The following LRMDA variants were observed in gnomAD, a reference collection of about 807,000 sequenced individuals.
LRMDA encodes leucine-rich melanocyte differentiation-associated protein.
Under a neutral mutation model 29.8 loss-of-function variants are expected in LRMDA, and 18 were observed. The ratio of observed to expected loss-of-function variants is 0.60; its 90% CI spans 0.42 to 0.90. The LOEUF is 0.90. Among genes scored for constraint, LRMDA ranks in the 40% least tolerant of loss-of-function variants. The pLI is 0.00. For synonymous variants in LRMDA, 125 were observed against 109.4 expected, an observed-to-expected ratio of 1.14 and a Z score of -0.89; for missense variants, 273 against 273.9, an observed-to-expected ratio of 1.00 and a Z score of 0.02.
chr10:76,302,366 G>C (rs1050750341), intron 5 of LRMDA, among the ~76,000 whole-genome samples: 1 of 152,174 alleles, frequency 6.6e-6, no homozygotes, highest in Admixed American at 6.5e-5. Context: ...TCTTCCCTGG[G>C]GGGTGGTAAG....
At chr10:75,850,042 A>G (rs763821817) in intron 2 of LRMDA, among the ~76,000 whole-genome samples, 1 of 152,230 alleles carries the variant, frequency 6.6e-6, no homozygotes. Context: ...ATTTTAGATC[A>G]TTATGATGAT....
intron 4 of LRMDA, among the ~76,000 whole-genome samples, chr10:76,052,742 G>A (rs1427114849): frequency 2.0e-5 from 3 of 152,046 alleles, no homozygotes; most frequent in Non-Finnish European, 2.9e-5. Context: ...AGACAAATGG[G>A]TCTTTAAGCA....
chr10:76,298,024 TACGTA>T (rs777014157), intron 5 of LRMDA, among the ~76,000 whole-genome samples: 4 of 152,242 alleles, frequency 2.6e-5, no homozygotes, highest in Non-Finnish European at 5.9e-5. Flanking sequence ...CTGCCTGTTG[TACGTA>T]ACCTCTCCTT....
intron 5 of LRMDA, among the ~76,000 whole-genome samples, chr10:76,240,883 CACAT>C (rs1469061665): frequency 2.0e-5 from 3 of 147,786 alleles, no homozygotes; most frequent in East Asian, 4.0e-4. Flanking sequence ...CGCACACACA[CACAT>C]ACACACATAC....
At chr10:76,495,495 T>C (rs1842872943) in intron 6 of LRMDA, among the ~76,000 whole-genome samples, 1 of 151,878 alleles carries the variant, frequency 6.6e-6, no homozygotes, top group African/African-American at 2.4e-5. Context: ...AATTCAAGAA[T>C]ATGTTTCTTT....
chr10:75,879,159 A>C (rs113897529), intron 2 of LRMDA, among the ~76,000 whole-genome samples: 87 of 152,274 alleles, frequency 5.7e-4, no homozygotes, highest in African/African-American at 2.0e-3. Flanking sequence ...CAGTCTTATA[A>C]CTTGAGTGAT....
At chr10:75,723,114 C>T (rs1842588470) in intron 2 of LRMDA, among the ~76,000 whole-genome samples, 1 of 152,210 alleles carries the variant, frequency 6.6e-6, no homozygotes, top group South Asian at 2.1e-4. Context: ...TATGGTGTTA[C>T]TTGTTCTACA....
intron 6 of LRMDA, among the ~76,000 whole-genome samples, chr10:76,413,513 A>G (rs1841984607): frequency 6.6e-6 from 1 of 152,138 alleles, no homozygotes; most frequent in Non-Finnish European, 1.5e-5. Context: ...ACTCACTACC[A>G]TGAGAACAGT....
chr10:76,510,205 A>C (rs1842996305), intron 6 of LRMDA, among the ~76,000 whole-genome samples: 1 of 151,862 alleles, frequency 6.6e-6, no homozygotes, highest in African/African-American at 2.4e-5. Context: ...TGAGTAGCTG[A>C]GACTACAAGC....
At chr10:75,813,799 A>C (rs2132273958) in intron 2 of LRMDA, among the ~76,000 whole-genome samples, 1 of 152,258 alleles carries the variant, frequency 6.6e-6, no homozygotes, top group South Asian at 2.1e-4. Context: ...AATTCTTGCT[A>C]CCTTTCACTG....
chr10:76,368,348 C>T (rs998414580), intron 6 of LRMDA, among the ~76,000 whole-genome samples: 4 of 152,066 alleles, frequency 2.6e-5, no homozygotes, highest in East Asian at 1.9e-4. Context: ...ATTTTGATTT[C>T]GTTTTTGACC....
intron 2 of LRMDA, among the ~76,000 whole-genome samples, chr10:76,032,663 G>A (rs1001843494): frequency 8.5e-5 from 13 of 152,270 alleles, no homozygotes; most frequent in Middle Eastern, 3.4e-3. Flanking sequence ...TCCTGGCTGC[G>A]TTGCTGCTGG....
At chr10:76,175,468 T>C (rs559454015) in intron 5 of LRMDA, among the ~76,000 whole-genome samples, 1 of 152,228 alleles carries the variant, frequency 6.6e-6, no homozygotes, top group Non-Finnish European at 1.5e-5. Context: ...TTAACTATTA[T>C]TTTAATGCTA....
chr10:75,982,083 C>T (rs189403220), intron 2 of LRMDA, among the ~76,000 whole-genome samples: 409 of 152,232 alleles, frequency 2.7e-3, no homozygotes, highest in Non-Finnish European at 4.2e-3. Context: ...CCCTGATATC[C>T]AGCACTCTCA....
chr10:76,040,521 G>A (rs933298782), intron 3 of LRMDA, among the ~76,000 whole-genome samples: 1 of 151,774 alleles, frequency 6.6e-6, no homozygotes, highest in African/African-American at 2.4e-5. Context: ...AGACTGGCCA[G>A]GTAGTCACTG....
chr10:76,215,989 A>G (rs1282209895), intron 5 of LRMDA, among the ~76,000 whole-genome samples: 2 of 152,248 alleles, frequency 1.3e-5, no homozygotes, highest in Non-Finnish European at 2.9e-5. Flanking sequence ...AAGAGGGTTG[A>G]CTATAAAAGA....
At chr10:75,755,229 T>A (rs1843017632) in intron 2 of LRMDA, among the ~76,000 whole-genome samples, 1 of 152,208 alleles carries the variant, frequency 6.6e-6, no homozygotes, top group Non-Finnish European at 1.5e-5. Flanking sequence ...CAGAAAAAAG[T>A]CTTAGTTAAA....
At chr10:75,610,915 T>G (rs1841022079) in intron 2 of LRMDA, among the ~76,000 whole-genome samples, 1 of 152,198 alleles carries the variant, frequency 6.6e-6, no homozygotes, top group Non-Finnish European at 1.5e-5. Flanking sequence ...TTCTTTTTCC[T>G]GAGTTGGCCT....
chr10:75,595,069 G>T (rs1370607934), intron 2 of LRMDA, among the ~76,000 whole-genome samples: 1 of 152,128 alleles, frequency 6.6e-6, no homozygotes, highest in Non-Finnish European at 1.5e-5. Context: ...TTTGGCTTAT[G>T]CTTTATCAAT....
Sources: gnomAD v4.1 joint callset for allele counts (sites outside exome capture counted in the v4.1 genomes callset) on GRCh38, gnomAD v4.1.1 for gene constraint, MANE v1.5 for transcripts, NCBI Gene and HGNC (gene_info 2026-07-23, HGNC 2026-07-21) for gene names.